The following CALN1 variants were observed in gnomAD, a reference collection of about 807,000 sequenced individuals.
CALN1 encodes the protein calneuron 1.
Under a neutral mutation model 30.6 loss-of-function variants are expected in CALN1, and 17 were observed. That is an observed-to-expected ratio of 0.56 (90% CI 0.38 to 0.83). CALN1 has a LOEUF of 0.83. Among genes scored for constraint, CALN1 ranks in the 40% least tolerant of loss-of-function variants. The pLI is 0.00. For missense variants in CALN1, 291 were observed against 354.9 expected (o/e 0.82, Z 1.45); for synonymous variants, 156 against 131.4 (o/e 1.19, Z -1.28).
At chr7:72,432,868 G>C (rs1427598898) in intron 1 of CALN1, among the ~76,000 whole-genome samples, 3 of 152,076 alleles carry the variant, frequency 2.0e-5, no homozygotes, top group Non-Finnish European at 4.4e-5. Context: ...ATCTGCCTCG[G>C]CAAAAAGACG....
intron 3 of CALN1, among the ~76,000 whole-genome samples, chr7:72,222,144 T>G (rs1340346479): frequency 6.6e-6 from 1 of 151,890 alleles, no homozygotes; most frequent in Admixed American, 6.6e-5. Context: ...GAGCATCGCT[T>G]AAACCTGAGA....
chr7:71,972,722 G>A (rs1797909949), intron 5 of CALN1, among the ~76,000 whole-genome samples: 1 of 152,174 alleles, frequency 6.6e-6, no homozygotes, highest in South Asian at 2.1e-4. Context: ...CTTCGTGCGT[G>A]CTTCATTCAC....
At chr7:72,329,837 C>T (rs1255327709) in intron 2 of CALN1, among the ~76,000 whole-genome samples, 3 of 151,932 alleles carry the variant, frequency 2.0e-5, no homozygotes, top group Non-Finnish European at 4.4e-5. Flanking sequence ...ACCTGTAATT[C>T]CAGCTATTCA....
intron 5 of CALN1, among the ~76,000 whole-genome samples, chr7:71,962,953 A>G (rs1317480651): frequency 6.6e-6 from 1 of 152,218 alleles, no homozygotes; most frequent in Admixed American, 6.5e-5. Context: ...AGATTCAAGT[A>G]TAATAAATTC....
At chr7:72,457,961 G>T in the CALN1 span, among the ~76,000 whole-genome samples, 2 of 150,126 alleles carry the variant, frequency 1.3e-5, no homozygotes, top group Non-Finnish European at 3.0e-5. Flanking sequence ...TTGTCATGTT[G>T]CCCGGGCTGG....
chr7:72,375,547 A>G (rs936990597), intron 2 of CALN1, among the ~76,000 whole-genome samples: 2 of 147,568 alleles, frequency 1.4e-5, no homozygotes, highest in Non-Finnish European at 3.0e-5. Flanking sequence ...CCCTGGCAAA[A>G]CAGCAAAACC....
chr7:72,175,856 CTTAGGTAA>C (rs1346581612), intron 3 of CALN1, among the ~76,000 whole-genome samples: 1 of 152,120 alleles, frequency 6.6e-6, no homozygotes, highest in Non-Finnish European at 1.5e-5. Context: ...GGGAAAGTCT[CTTAGGTAA>C]CCACCAAACT....
intron 5 of CALN1, among the ~76,000 whole-genome samples, chr7:71,837,900 T>C (rs1325883112): frequency 1.4e-5 from 2 of 145,896 alleles, no homozygotes; most frequent in African/African-American, 2.6e-5. Flanking sequence ...TAAGCAAAGA[T>C]CAAAACGCCA....
chr7:72,016,248 CAAAA>C (rs1216381592), intron 5 of CALN1, among the ~76,000 whole-genome samples: 1 of 73,376 alleles, frequency 1.4e-5, no homozygotes, highest in Non-Finnish European at 3.1e-5. Flanking sequence ...GACTCCATCT[CAAAA>C]AAAAAAAAAA....
intron 5 of CALN1, among the ~76,000 whole-genome samples, chr7:71,846,861 T>C (rs1193097996): frequency 6.8e-6 from 1 of 146,590 alleles, no homozygotes; most frequent in Non-Finnish European, 1.5e-5. Context: ...TATGTATATA[T>C]GTATGTATAT....
At chr7:72,349,323 T>TGTGTGTGTGTGTGTG (rs1802808476) in intron 2 of CALN1, among the ~76,000 whole-genome samples, 1 of 121,596 alleles carries the variant, frequency 8.2e-6, no homozygotes, top group African/African-American at 3.0e-5. Flanking sequence ...TGTGTGTGTG[T>TGTGTGTGTGTGTGTG]TGGGAAGGTT....
intron 3 of CALN1, among the ~76,000 whole-genome samples, chr7:72,171,461 T>TA (rs952146365): frequency 1.3e-5 from 2 of 152,090 alleles, no homozygotes; most frequent in Non-Finnish European, 2.9e-5. Flanking sequence ...CCATTTTTCT[T>TA]AAAAAAATAA....
Position 72,260,636 on chromosome 7 carries a change from C to T in CALN1, c.244+18050G>A, listed in dbSNP as rs1253316513. ...AAAGGGAGTAGCACAAAACCATGAT[C>T]AATCATGCACCTGAAACCCTCAAGT... On this transcript the variant is annotated intron_variant, in intron 3 of 6. Coordinates refer to ENST00000395275, the MANE Select transcript of CALN1 (RefSeq NM_031468.4). Among the ~76,000 whole-genome samples, 6 of 152,148 alleles carry T rather than the reference C, an allele frequency of 3.9e-5. No individual in the cohort carries two copies. The South Asian group carries it at 1.2e-3, about 32-fold the overall frequency.
At chr7:71,791,153 A>C (rs1793358847) in intron 6 of CALN1, among the ~76,000 whole-genome samples, 1 of 152,168 alleles carries the variant, frequency 6.6e-6, no homozygotes, top group African/African-American at 2.4e-5. Context: ...GGGCTTGTCA[A>C]AGGATCTCTA....
intron 2 of CALN1, among the ~76,000 whole-genome samples, chr7:72,319,734 T>A (rs1410487019): frequency 6.6e-6 from 1 of 152,026 alleles, no homozygotes; most frequent in Non-Finnish European, 1.5e-5. Context: ...CAGAGGTAAA[T>A]CTGTGGTGAG....
intron 3 of CALN1, among the ~76,000 whole-genome samples, chr7:72,245,219 C>G (rs1795081809): frequency 6.6e-6 from 1 of 152,196 alleles, no homozygotes; most frequent in South Asian, 2.1e-4. Flanking sequence ...CAGCCCCGCC[C>G]TGGTAAGGAC....
At chr7:72,023,384 T>C (rs1800818820) in intron 5 of CALN1, among the ~76,000 whole-genome samples, 1 of 152,248 alleles carries the variant, frequency 6.6e-6, no homozygotes, top group Non-Finnish European at 1.5e-5. Context: ...CCCTTTGAAG[T>C]GTCCCCAGGA....
intron 3 of CALN1, among the ~76,000 whole-genome samples, chr7:72,251,692 T>C (rs1365131429): frequency 3.3e-5 from 5 of 152,276 alleles, no homozygotes; most frequent in Admixed American, 2.6e-4. Flanking sequence ...TAAGCCACCA[T>C]GCCGTAGCTT....
In CALN1 at chr7:72,427,643, ATTTATT is replaced by A. The variant is rs558641956; in HGVS notation, c.-225-15374_-225-15369del. Among the ~76,000 whole-genome samples, 219 of 151,606 alleles carry A rather than the reference ATTTATT, an allele frequency of 1.4e-3. 1 individual carries two copies. Among genetic ancestry groups the A allele is most frequent in the East Asian group, 8.5e-3 (44 of 5,160 alleles). On this transcript the variant is annotated intron_variant, in intron 1 of 6. Coordinates refer to the CALN1 transcript ENST00000395276. Reference sequence around the variant, plus strand: ...CAGGTGCATGCCACCACACATGGCAATTTATTTTTATTTTTATTTTTATTTTTATTT... The same window carrying A: ...CAGGTGCATGCCACCACACATGGCAATTTATTTTTATTTTTATTTTTATTT...
Sources: allele counts gnomAD v4.1 joint callset (sites outside exome capture counted in the v4.1 genomes callset), GRCh38; gene constraint gnomAD v4.1.1; transcripts MANE v1.5; gene names NCBI Gene and HGNC (gene_info 2026-07-23, HGNC 2026-07-21).